The following FRYL variants were observed in gnomAD, a reference collection of about 807,000 sequenced individuals.
FRYL encodes FRY like transcription coactivator, also known as protein furry homolog-like.
Under a neutral mutation model 351.2 loss-of-function variants are expected in FRYL, and 150 were observed. The observed-to-expected ratio is 0.43, with a 90% CI of 0.37 to 0.49. The LOEUF (loss-of-function observed/expected upper bound fraction) is 0.49, where lower values mean the gene tolerates loss of function less well. FRYL is among the 20% of genes least tolerant of loss of function. FRYL has a pLI of 0.00. For synonymous variants in FRYL, 1,153 were observed against 1,257.1 expected (o/e 0.92, Z 1.75); for missense variants, 3,036 against 3,619.3 (o/e 0.84, Z 4.13).
At chr4:48,561,038 T>C (rs1236247269) in intron 33 of FRYL, among the ~76,000 whole-genome samples, 2 of 152,132 alleles carry the variant, frequency 1.3e-5, no homozygotes, top group African/African-American at 2.4e-5. Flanking sequence ...CGAGGCACTG[T>C]ACCACCTGCT....
Position 48,557,440 on chromosome 4 carries a change from A to G in FRYL, c.4125+13T>C, listed in dbSNP as rs1578106616. 4.3e-6 allele frequency: 7 copies of G among 1,613,042 alleles called. No individual in the cohort carries two copies. Among genetic ancestry groups the G allele is most frequent in the Non-Finnish European group, 5.9e-6 (7 of 1,179,116 alleles). ...ATTCTGTGCAGCAATTATAAATACA[A>G]AACTCATTTTACCTTTGCTGTCATA... On this transcript the variant is annotated intron_variant, in intron 34 of 63. Coordinates refer to ENST00000358350, the MANE Select transcript of FRYL (RefSeq NM_015030.2).
At chr4:48,757,170 C>T (rs1449947172) in intron 1 of FRYL, among the ~76,000 whole-genome samples, 1 of 152,200 alleles carries the variant, frequency 6.6e-6, no homozygotes, top group African/African-American at 2.4e-5. Flanking sequence ...CTGCTGCATT[C>T]CCTTTGAAAA....
chr4:48,772,058 T>C (rs1408336892), intron 1 of FRYL, among the ~76,000 whole-genome samples: 2 of 152,238 alleles, frequency 1.3e-5, no homozygotes, highest in Non-Finnish European at 2.9e-5. Flanking sequence ...TAAATTGTTG[T>C]GAGTTCACTG....
In FRYL at chr4:48,653,384, A is replaced by T. The variant is rs75341383; in HGVS notation, c.-80-18894T>A. On this transcript the variant is annotated intron_variant, in intron 3 of 63. Transcript: ENST00000358350. The stretch of plus-strand genomic sequence containing the variant: ...GGTATCTGATAACCCTGCAGAGATT[A>T]GAATCTATTTGTGGTCTTCTTCCCC... 4.6e-5 allele frequency among the ~76,000 whole-genome samples: 7 copies of T among 152,326 alleles called. No homozygotes were observed. In the East Asian group the frequency reaches 1.3e-3, roughly 29 times the overall value.
intron 61 of FRYL, 141 bp downstream of exon 61, chr4:48,502,687 G>A (rs1326543917): frequency 5.5e-6 from 3 of 546,832 alleles, no homozygotes; most frequent in Admixed American, 3.5e-5. Context: ...CATGGATTAG[G>A]GCTTTGCAAA....
At chr4:48,570,030 T>A (rs1307049181) in intron 27 of FRYL, among the ~76,000 whole-genome samples, 2 of 151,852 alleles carry the variant, frequency 1.3e-5, no homozygotes, top group Admixed American at 1.3e-4. Context: ...CCTAGGCTGG[T>A]CTCCAACCCC....
In FRYL at chr4:48,567,263, T is replaced by A. The variant is rs1736994562; in HGVS notation, c.3154A>T (p.Ile1052Phe). Residue 1052 changes from isoleucine to phenylalanine, a missense_variant, in exon 28 of 64, where the codon ATT becomes TTT. Around this residue, in one of 7 missense-constraint regions of FRYL, gnomAD observed 15 missense variants for 41.9 expected, o/e 0.36. Transcript: ENST00000358350. This position sits in a 1 kb window ranked among gnomAD's most constrained non-coding sequence, Gnocchi z 4.2. Reference sequence around the variant, plus strand: ...AAAATAATACCTGGAACATTCTGAATAATATTCGCCACTAAGGCACTAAAA... The same window carrying A: ...AAAATAATACCTGGAACATTCTGAAAAATATTCGCCACTAAGGCACTAAAA... ...CHFSALVANIIQNVPVHQRRS... is the reference protein window; with the variant it reads ...CHFSALVANIFQNVPVHQRRS... 1 of 1,608,940 alleles carries A rather than the reference T, an allele frequency of 6.2e-7. No individual in the cohort carries two copies. The highest frequency in any genetic ancestry group is 8.5e-7 in the Non-Finnish European group (1 of 1,178,408).
rs1292780696 is a variant in FRYL, at chr4:48,624,212, C to G, written c.121-1033G>C. On this transcript the variant is annotated intron_variant, in intron 4 of 63. Transcript: ENST00000358350. Reference sequence around the variant, plus strand: ...TGGTATATCTTGCTTCAGCACAGAACAATCTCTCCTATCACATACCAGAAT... The same window carrying G: ...TGGTATATCTTGCTTCAGCACAGAAGAATCTCTCCTATCACATACCAGAAT... Among the ~76,000 whole-genome samples, 7 of 152,268 alleles carry G rather than the reference C, an allele frequency of 4.6e-5. No homozygotes were observed. The East Asian group carries it at 7.7e-4, about 17-fold the overall frequency.
At chr4:48,775,326 T>G (rs1775903179) in intron 1 of FRYL, among the ~76,000 whole-genome samples, 1 of 152,260 alleles carries the variant, frequency 6.6e-6, no homozygotes, top group Non-Finnish European at 1.5e-5. Context: ...AGGTTCCTGC[T>G]CAGAGGAGCT....
chr4:48,761,038 TG>T (rs1774368346), intron 1 of FRYL, among the ~76,000 whole-genome samples: 1 of 151,576 alleles, frequency 6.6e-6, no homozygotes, highest in Non-Finnish European at 1.5e-5. Context: ...TGTGTGTGTG[TG>T]TGTGTGTGTG....
intron 19 of FRYL, among the ~76,000 whole-genome samples, chr4:48,583,243 C>G (rs1741306091): frequency 1.3e-5 from 2 of 151,632 alleles, no homozygotes; most frequent in African/African-American, 4.8e-5. Context: ...GCACTGTCTT[C>G]TGGGTTCACG....
In FRYL at chr4:48,505,599, T is replaced by C. The variant is rs1720727097; in HGVS notation, c.8411A>G (p.Lys2804Arg). 2 of 1,607,642 alleles carry C rather than the reference T, an allele frequency of 1.2e-6. No individual in the cohort carries two copies. The highest frequency in any genetic ancestry group is 2.7e-5 in the African/African-American group (2 of 74,740). ...EAAEQWLDDC[K>R]RTFGAKEDMY... is the part of the protein sequence containing the mutation. ...GTCTTCTTTGGCACCAAATGTCCTC[T>C]TACAATCATCTAGCCACTAAAAATA... Residue 2804 changes from lysine to arginine, a missense_variant, in exon 60 of 64, where the codon AAG becomes AGG. By Grantham distance (26) the Lys-to-Arg change is conservative. This residue lies in a region of FRYL where 1,987 missense variants were observed against 2,311.7 expected (regional missense o/e 0.86). Coordinates refer to ENST00000358350, the MANE Select transcript of FRYL (RefSeq NM_015030.2).
intron 2 of FRYL, among the ~76,000 whole-genome samples, chr4:48,709,783 A>C (rs1322989118): frequency 6.6e-6 from 1 of 152,214 alleles, no homozygotes; most frequent in African/African-American, 2.4e-5. Context: ...TAGAGCTAAA[A>C]TGTACCCCAA....
At chr4:48,585,374 G>A (rs1330700060) in intron 19 of FRYL, among the ~76,000 whole-genome samples, 1 of 152,212 alleles carries the variant, frequency 6.6e-6, no homozygotes, top group Non-Finnish European at 1.5e-5. Flanking sequence ...TGAGGATAAT[G>A]TAGTGCCAGG....
intron 3 of FRYL, among the ~76,000 whole-genome samples, chr4:48,677,180 A>AT (rs1337270542): frequency 2.0e-5 from 3 of 152,246 alleles, no homozygotes; most frequent in Non-Finnish European, 4.4e-5. Context: ...AAATAAAAAA[A>AT]TTATCAATAG....
intron 3 of FRYL, chr4:48,653,807 A>AAGCAGCAGCAGCAGC: frequency 7.8e-7 from 1 of 1,274,824 alleles, no homozygotes; most frequent in East Asian, 5.6e-5. Context: ...TCAGCTGCAA[A>AAGCAGCAGCAGCAGC]AGCAGCAGCA....
chr4:48,553,884 G>T (rs1201875723), intron 35 of FRYL, among the ~76,000 whole-genome samples: 2 of 152,122 alleles, frequency 1.3e-5, no homozygotes, highest in Non-Finnish European at 2.9e-5. Context: ...GCCTGGTTTG[G>T]AATGTGGATA....
intron 24 of FRYL, 47 bp downstream of exon 24, chr4:48,575,983 G>A (rs1281216739): frequency 1.5e-6 from 2 of 1,358,020 alleles, no homozygotes; most frequent in African/African-American, 1.5e-5. Flanking sequence ...TATTTTTATG[G>A]GGCCATTCAG....
intron 4 of FRYL, among the ~76,000 whole-genome samples, chr4:48,623,884 A>AT (rs1751217559): frequency 2.8e-4 from 1 of 3,532 alleles, no homozygotes; most frequent in Non-Finnish European, 6.0e-3. Context: ...AATATAAAAT[A>AT]CCTTTTATAT....
Sources: gnomAD v4.1 joint callset for allele counts (sites outside exome capture counted in the v4.1 genomes callset) on GRCh38, gnomAD v4.1.1 for gene constraint, gnomAD v4.1.1 regional missense constraint, Gnocchi (gnomAD v3.1) non-coding constraint, MANE v1.5 for transcripts, NCBI Gene and HGNC (gene_info 2026-07-23, HGNC 2026-07-21) for gene names.